Variants in ARNT observed in about 807,000 individuals in gnomAD.
The protein encoded by ARNT is class E basic helix-loop-helix protein 2.
In ARNT, 30 loss-of-function variants were observed where a neutral mutation model predicts 105.0. That is an observed-to-expected ratio of 0.29 (90% CI 0.21 to 0.39). The LOEUF is 0.39. Ranked by LOEUF, ARNT falls within the 10% of genes least tolerant of loss-of-function variation. The pLI, the probability that ARNT is intolerant of heterozygous loss-of-function variation, is 1.00. For synonymous variants in ARNT, 304 were observed against 344.0 expected, an observed-to-expected ratio of 0.88 and a Z score of 1.29; for missense variants, 748 against 978.7, an observed-to-expected ratio of 0.76 and a Z score of 3.15.
Position 150,846,324 on chromosome 1 carries a change from G to A in ARNT, c.183-17C>T. 1 of 1,613,044 alleles carries A rather than the reference G, an allele frequency of 6.2e-7. No homozygotes were observed. The highest frequency in any genetic ancestry group is 8.5e-7 in the Non-Finnish European group (1 of 1,179,450). On this transcript the variant is annotated splice_polypyrimidine_tract_variant and intron_variant, in intron 3 of 21. Transcript: ENST00000358595. ...TCATCACACCTGAAGGAGAGAAAAA[G>A]GATTGTTTCAAAGCATTACACTTGT... is the stretch of plus-strand genomic sequence containing the variant.
rs587692612 is a variant in ARNT at position 150,871,085 on chromosome 1, A to G, written c.25+5458T>C. Reference sequence around the variant, plus strand: ...ACATAAATTTGAAGAGTTTATGTGAAAAGTTGGAGACAGTTGCTACAGACT... The same window carrying G: ...ACATAAATTTGAAGAGTTTATGTGAGAAGTTGGAGACAGTTGCTACAGACT... On this transcript the variant is annotated intron_variant, in intron 1 of 21. Coordinates refer to ENST00000358595, the MANE Select transcript of ARNT (RefSeq NM_001668.4). Among the ~76,000 whole-genome samples, 5 of 152,222 alleles carry G rather than the reference A, an allele frequency of 3.3e-5. No individual in the cohort carries two copies. The South Asian group carries it at 6.2e-4, about 19-fold the overall frequency.
chr1:150,857,526 C>G (rs1664847770), intron 2 of ARNT, among the ~76,000 whole-genome samples: 1 of 152,140 alleles, frequency 6.6e-6, no homozygotes, highest in African/African-American at 2.4e-5. Flanking sequence ...CATCACTCTT[C>G]CATTACTATT....
chr1:150,823,411 T>G (rs1657514266), intron 13 of ARNT, 66 bp from the exon 14 acceptor site: 1 of 1,488,934 alleles, frequency 6.7e-7, no homozygotes. Context: ...TAAATAAAAA[T>G]TTTCCAATTT....
chr1:150,857,618 CCAAAAAGTAAATAAAATAGTGCCCA>C (rs1664865365), intron 2 of ARNT, among the ~76,000 whole-genome samples: 1 of 152,056 alleles, frequency 6.6e-6, no homozygotes, highest in Admixed American at 6.6e-5. Flanking sequence ...AAATTTAATA[CCAAAAAGTAAATAAAATAGTGCCCA>C]TTCTTCCAGG....
At chr1:150,842,027 G>A (rs1159349817) in intron 5 of ARNT, among the ~76,000 whole-genome samples, 1 of 152,108 alleles carries the variant, frequency 6.6e-6, no homozygotes, top group Non-Finnish European at 1.5e-5. Flanking sequence ...AAATGCTGAG[G>A]CCTAAATACT....
At chr1:150,821,838 T>TTC (rs1269966218) in intron 14 of ARNT, among the ~76,000 whole-genome samples, 28 of 147,176 alleles carry the variant, frequency 1.9e-4, no homozygotes, top group African/African-American at 5.8e-4. Context: ...CTTTTTTTTT[T>TTC]TTTTTTTTTT....
At position 150,834,555 on chromosome 1, in the gene ARNT, C is replaced by T. The variant is rs746660811; in HGVS notation, c.786G>A (p.Ser262=). 6 of 1,613,858 alleles carry T rather than the reference C, an allele frequency of 3.7e-6. No individual in the cohort carries two copies. The highest frequency in any genetic ancestry group is 2.7e-5 in the African/African-American group (2 of 75,008). The change falls in exon 8 of 22, where the codon TCG becomes TCA. Residue 262 remains serine, a synonymous_variant. Coordinates refer to ENST00000358595, the MANE Select transcript of ARNT (RefSeq NM_001668.4). ...SMRMCMGSRR[S]FICRMRCGSS... The stretch of plus-strand genomic sequence containing the variant: ...ACACTCACCTCATTCGGCAAATAAA[C>T]GATCTCCTTGAGCCCATACACATTC...
chr1:150,839,504 G>A lies in ARNT; in HGVS notation c.423C>T (p.Ser141=). The A allele has an allele frequency of 6.2e-7, 1 of 1,614,214 alleles. No individual in the cohort carries two copies. The highest frequency in any genetic ancestry group is 8.5e-7 in the Non-Finnish European group (1 of 1,180,040). ...ILRMAVSHMK[S]LRGTGNTSTD... is the part of the protein sequence containing the mutation. ...TGGATGTGTTGCCAGTTCCCCGCAA[G>A]GACTTCATGTGAGAAACTGCCATGC... The change falls in exon 6 of 22, where the codon TCC becomes TCT. Residue 141 remains serine (S), a synonymous_variant. Transcript: ENST00000358595.
rs768370212 is a variant in ARNT, at chr1:150,834,609, C to T, written c.732G>A (p.Val244=). ...TGGAAGACTGCTGACCTTCCTTTTT[C>T]ACTGTTCCAGTCTTTAGATCCAGGA... The part of the protein sequence containing the change: ...GRILDLKTGT[V]KKEGQQSSMR... The change falls in exon 8 of 22, where the codon GTG becomes GTA. Residue 244 remains valine, a synonymous_variant. Transcript: ENST00000358595. 2.5e-6 allele frequency: 4 copies of T among 1,614,018 alleles called. No homozygotes were observed. Among genetic ancestry groups the T allele is most frequent in the Non-Finnish European group, 3.4e-6 (4 of 1,179,956 alleles).
rs993121724 is a variant in ARNT at position 150,836,596 on chromosome 1, G to A, written c.487-103C>T. ...CACTTCAGGCCACATGCATCTCTCC[G>A]TAAGCAACTGCTGGTTCACACCTGA... On this transcript the variant is annotated intron_variant, in intron 6 of 21. Transcript: ENST00000358595. 2.4e-5 allele frequency: 28 copies of A among 1,153,638 alleles called. No homozygotes were observed. The South Asian group carries it at 2.6e-4, about 11-fold the overall frequency. 71.5% of individuals were successfully genotyped at this position (1,153,638 alleles called of 1,614,324 possible).
intron 1 of ARNT, among the ~76,000 whole-genome samples, chr1:150,871,294 GTTTTTTTTT>G (rs754698911): frequency 1.1e-5 from 1 of 94,620 alleles, no homozygotes; most frequent in Non-Finnish European, 2.0e-5. Flanking sequence ...GGCAGTCGTG[GTTTTTTTTT>G]TTTTTTTTTT....
intron 1 of ARNT, among the ~76,000 whole-genome samples, chr1:150,859,618 G>A (rs10305668): frequency 0.97 from 147,939 of 152,084 alleles, 72,054 homozygotes; most frequent in Non-Finnish European, 1. Context: ...CAGCTTCCCA[G>A]AGCACTGGAA....
rs1654657031 is a variant in ARNT, at chr1:150,811,231, CT to C, written c.*789del. On this transcript the variant is annotated 3_prime_UTR_variant, in exon 22 of 22. Transcript: ENST00000358595. ...AACAGACAATCGTATCAACAGCCGA[CT>C]TTCTATATTTGCTTTACAGTTGTAT... The C allele has an allele frequency of 4.3e-6, 1 of 233,752 alleles. No homozygotes were observed. Among genetic ancestry groups the C allele is most frequent in the East Asian group, 6.0e-5 (1 of 16,720 alleles). The allele number at this position is 233,752 out of a possible 1,614,324, so 14.5% of individuals were successfully genotyped here.
chr1:150,850,341 G>A (rs587656416), intron 3 of ARNT, among the ~76,000 whole-genome samples: 1 of 152,286 alleles, frequency 6.6e-6, no homozygotes, highest in Non-Finnish European at 1.5e-5. Context: ...AGCCGAAGCT[G>A]GACTGTACTG....
At position 150,826,987 on chromosome 1, in the gene ARNT, T is replaced by C. The variant is rs191158108; in HGVS notation, c.1168-370A>G. 5.5e-4 allele frequency among the ~76,000 whole-genome samples: 83 copies of C among 151,942 alleles called. 1 individual carries two copies. In the East Asian group the frequency reaches 0.011, roughly 21 times the overall value. On this transcript the variant is annotated intron_variant, in intron 12 of 21. Coordinates refer to ENST00000358595, the MANE Select transcript of ARNT (RefSeq NM_001668.4). ...ATGGTCATCTAACTGGCCTGGTCCA[T>C]CAGCTGGGGACCTGGATTTTATTTC...
chr1:150,863,943 G>A (rs1275342739), intron 1 of ARNT, among the ~76,000 whole-genome samples: 1 of 152,158 alleles, frequency 6.6e-6, no homozygotes, highest in Admixed American at 6.6e-5. Context: ...TGAGAAATGT[G>A]TCATTAGGAG....
At chr1:150,847,154 G>A (rs1400586732) in intron 3 of ARNT, among the ~76,000 whole-genome samples, 1 of 152,160 alleles carries the variant, frequency 6.6e-6, no homozygotes, top group African/African-American at 2.4e-5. Flanking sequence ...GGGGGAGGCT[G>A]GGCGCAGTGG....
At chr1:150,826,277 G>A (rs1219889890) in intron 13 of ARNT, among the ~76,000 whole-genome samples, 3 of 152,148 alleles carry the variant, frequency 2.0e-5, no homozygotes, top group Non-Finnish European at 2.9e-5. Context: ...CATGCCTGGC[G>A]CAATAGTTTA....
chr1:150,817,261 C>G (rs1272306908), intron 16 of ARNT, 59 bp from the exon 17 acceptor site: 1 of 1,612,344 alleles, frequency 6.2e-7, no homozygotes, highest in South Asian at 1.1e-5. Context: ...TTCAATAACC[C>G]TAAAATTCAT....
Sources: gnomAD v4.1 joint callset for allele counts (sites outside exome capture counted in the v4.1 genomes callset) on GRCh38, gnomAD v4.1.1 for gene constraint, MANE v1.5 for transcripts, NCBI Gene and HGNC (gene_info 2026-07-23, HGNC 2026-07-21) for gene names.